The following WDR4 variants were observed in gnomAD, a reference collection of about 807,000 sequenced individuals.
WDR4 encodes the protein tRNA (guanine-N(7)-)-methyltransferase non-catalytic subunit WDR4.
A neutral mutation model predicts 48.6 loss-of-function variants in WDR4; 47 were observed. The ratio of observed to expected loss-of-function variants is 0.97; its 90% CI spans 0.77 to 1.23. The LOEUF (loss-of-function observed/expected upper bound fraction) is 1.23. WDR4 is among the 50% of genes most tolerant of loss of function. The pLI is 0.00. For synonymous variants in WDR4, 268 were observed against 230.0 expected (o/e 1.17, Z -1.49); for missense variants, 606 against 551.6 (o/e 1.10, Z -0.99).
intron 6 of WDR4, among the ~76,000 whole-genome samples, chr21:42,856,793 G>A (rs2058004079): frequency 6.6e-6 from 1 of 151,576 alleles, no homozygotes; most frequent in Non-Finnish European, 1.5e-5. Context: ...ACATACACAC[G>A]CACACACACA....
intron 1 of WDR4, chr21:42,879,086 C>T (rs1304266967): frequency 1.7e-6 from 2 of 1,166,288 alleles, no homozygotes; most frequent in Non-Finnish European, 2.1e-6. Context: ...GCTCTACCTA[C>T]CCGGTCCCCG....
chr21:42,845,672 C>T (rs35462782), downstream of WDR4, among the ~76,000 whole-genome samples: 9,494 of 152,262 alleles, frequency 0.062, 375 homozygotes, highest in East Asian at 0.15. Flanking sequence ...GATCATGAGC[C>T]GCCACAGCCG....
intron 4 of WDR4, among the ~76,000 whole-genome samples, chr21:42,863,043 C>G (rs1050106696): frequency 1.3e-5 from 2 of 152,116 alleles, no homozygotes; most frequent in Non-Finnish European, 2.9e-5. Context: ...GCCAGAGGCT[C>G]GTGGCTGCAC....
chr21:42,856,500 G>A (rs1357831969), intron 6 of WDR4, among the ~76,000 whole-genome samples: 4 of 151,858 alleles, frequency 2.6e-5, no homozygotes, highest in African/African-American at 7.3e-5. Flanking sequence ...TGACTCCCAG[G>A]CCCAGGCAAT....
Position 42,869,009 on chromosome 21 carries a change from C to CG in WDR4, c.296+4541dup, listed in dbSNP as rs562006424. ...CACAGTGTTGTCAACACTGCCCTGGCGGGGGGGAACAGGCTATAGGCTAGC... is the reference window on the plus strand; with the variant it reads ...CACAGTGTTGTCAACACTGCCCTGGCGGGGGGGGAACAGGCTATAGGCTAGC... On this transcript the variant is annotated intron_variant, in intron 3 of 10. Transcript: ENST00000398208. 2.3e-3 allele frequency among the ~76,000 whole-genome samples: 353 copies of CG among 152,192 alleles called. 3 individuals are homozygous for CG. Among genetic ancestry groups the CG allele is most frequent in the South Asian group, 0.015 (74 of 4,808 alleles).
At chr21:42,845,342 G>T (rs541865089), downstream of WDR4, among the ~76,000 whole-genome samples, 10 of 152,010 alleles carry the variant, frequency 6.6e-5, no homozygotes, top group South Asian at 1.9e-3. Flanking sequence ...AAAGTAAAAC[G>T]TATCACGTCA....
At chr21:42,850,344 G>A (rs914194099) in intron 10 of WDR4, 102 bp from the exon 11 acceptor site, 3 of 1,128,810 alleles carry the variant, frequency 2.7e-6, no homozygotes, top group Non-Finnish European at 2.5e-6. Flanking sequence ...GTGACTCCCA[G>A]AGTCCTCGGT....
chr21:42,871,990 C>CTT (rs35981241), intron 3 of WDR4, among the ~76,000 whole-genome samples: 2 of 149,066 alleles, frequency 1.3e-5, no homozygotes, highest in Non-Finnish European at 3.0e-5. Flanking sequence ...TAGAATTTGG[C>CTT]TTTTTTTTTT....
intron 6 of WDR4, among the ~76,000 whole-genome samples, chr21:42,858,373 C>T (rs750133312): frequency 1.3e-5 from 2 of 152,164 alleles, no homozygotes; most frequent in African/African-American, 2.4e-5. Context: ...CAGGTTTCTA[C>T]AGGAAGCGCG....
chr21:42,861,849 C>T (rs946856200), intron 5 of WDR4, among the ~76,000 whole-genome samples: 16 of 152,216 alleles, frequency 1.1e-4, no homozygotes, highest in Non-Finnish European at 2.2e-4. Context: ...CCACATGGGT[C>T]CTGGCAGAGT....
downstream of WDR4, among the ~76,000 whole-genome samples, chr21:42,846,964 T>G (rs192253043): frequency 6.3e-3 from 641 of 101,562 alleles, 2 homozygotes; most frequent in Non-Finnish European, 8.6e-3. Flanking sequence ...GAGGTTGCAG[T>G]GAGGTGGAGG....
upstream of WDR4, among the ~76,000 whole-genome samples, chr21:42,880,271 G>A (rs895961115): frequency 6.6e-6 from 1 of 152,120 alleles, no homozygotes; most frequent in African/African-American, 2.4e-5. Flanking sequence ...GAACTGTAGT[G>A]ATATTTTCAA....
chr21:42,866,982 C>T (rs1431330809), intron 3 of WDR4, among the ~76,000 whole-genome samples: 1 of 152,266 alleles, frequency 6.6e-6, no homozygotes, highest in East Asian at 1.9e-4. Context: ...GCCACACCAT[C>T]GAGGCGGGAT....
intron 5 of WDR4, among the ~76,000 whole-genome samples, chr21:42,859,954 C>T (rs146280175): frequency 1.4e-4 from 22 of 152,254 alleles, no homozygotes; most frequent in African/African-American, 5.3e-4. Context: ...TCCTGGGTCC[C>T]CAACAGCACA....
the WDR4 span, among the ~76,000 whole-genome samples, chr21:42,884,816 C>T: frequency 1.3e-5 from 2 of 151,954 alleles, no homozygotes; most frequent in African/African-American, 2.4e-5. Flanking sequence ...TCACTGTGTC[C>T]CCCAGTCTGA....
upstream of WDR4, chr21:42,879,922 C>A (rs34587469): frequency 0.024 from 9,732 of 398,160 alleles, 141 homozygotes; most frequent in Middle Eastern, 0.04. Context: ...ATGAAGTCAG[C>A]AGTTCGAGAG....
intron 9 of WDR4, among the ~76,000 whole-genome samples, chr21:42,852,605 A>G (rs1353600317): frequency 6.6e-6 from 1 of 152,226 alleles, no homozygotes; most frequent in African/African-American, 2.4e-5. Flanking sequence ...CTCAGGTAAA[A>G]AGAACTGGAT....
At chr21:42,850,931 G>C (rs919037241) in intron 10 of WDR4, among the ~76,000 whole-genome samples, 1 of 152,180 alleles carries the variant, frequency 6.6e-6, no homozygotes, top group East Asian at 1.9e-4. Flanking sequence ...CCGGTAACCC[G>C]CGCACCAGCG....
At chr21:42,848,662 C>T (rs1262560138), downstream of WDR4, among the ~76,000 whole-genome samples, 3 of 112,332 alleles carry the variant, frequency 2.7e-5, no homozygotes, top group East Asian at 3.1e-4. Context: ...CACGATCACG[C>T]GGCGCGCACC....
Sources: allele counts gnomAD v4.1 joint callset (sites outside exome capture counted in the v4.1 genomes callset), GRCh38; gene constraint gnomAD v4.1.1; transcripts MANE v1.5; gene names NCBI Gene and HGNC (gene_info 2026-07-23, HGNC 2026-07-21).